Variants in GPM6A observed in about 807,000 individuals in gnomAD.
GPM6A encodes the protein glycoprotein M6A.
GPM6A carries 7 observed loss-of-function variants against 32.1 expected under a neutral mutation model. The ratio of observed to expected loss-of-function variants is 0.22; its 90% CI spans 0.12 to 0.41. The LOEUF is 0.41. Among genes scored for constraint, GPM6A ranks in the 10% least tolerant of loss-of-function variants. The probability of loss-of-function intolerance (pLI) is 1.00; values close to 1 mark genes in which losing one functional copy is unlikely to be tolerated. For missense variants in GPM6A, 235 were observed against 347.2 expected (o/e 0.68, Z 2.57); for synonymous variants, 130 against 123.4 (o/e 1.05, Z -0.35).
intron 1 of GPM6A, among the ~76,000 whole-genome samples, chr4:175,972,351 T>C (rs1242312038): frequency 6.6e-6 from 1 of 152,202 alleles, no homozygotes; most frequent in Non-Finnish European, 1.5e-5. Context: ...TCACGGATGA[T>C]TGTTAAATTC....
At chr4:175,852,207 T>G (rs1347673954) in intron 1 of GPM6A, among the ~76,000 whole-genome samples, 5 of 152,028 alleles carry the variant, frequency 3.3e-5, no homozygotes, top group Admixed American at 6.5e-5. Context: ...TCCATCAGTT[T>G]GGAATGAATA....
At chr4:175,943,234 A>G (rs572352279) in intron 1 of GPM6A, among the ~76,000 whole-genome samples, 203 of 152,320 alleles carry the variant, frequency 1.3e-3, no homozygotes, top group Non-Finnish European at 2.4e-3. Context: ...TTGATTTTGT[A>G]TCCTGAGACT....
At chr4:175,963,267 C>T (rs1165231274) in intron 1 of GPM6A, among the ~76,000 whole-genome samples, 2 of 151,554 alleles carry the variant, frequency 1.3e-5, no homozygotes, top group Non-Finnish European at 2.9e-5. Context: ...TGAGAATTTC[C>T]CAAAACTAAT....
In GPM6A at chr4:175,881,343, A is replaced by G. The variant is rs190825720; in HGVS notation, c.-22-69094T>C. Among the ~76,000 whole-genome samples, 281 of 152,290 alleles carry G rather than the reference A, an allele frequency of 1.8e-3. 2 individuals carry two copies. Among genetic ancestry groups the G allele is most frequent in the African/African-American group, 6.2e-3 (258 of 41,572 alleles). ...GGCGATCATTAAAAAGTCAGGAAAC[A>G]ACAGGTGCTAGAGAGGATGTGGAGA... On this transcript the variant is annotated intron_variant, in intron 1 of 7. Coordinates refer to the GPM6A transcript ENST00000280187.
chr4:175,782,471 T>G (rs554505382), intron 1 of GPM6A, among the ~76,000 whole-genome samples: 37 of 152,276 alleles, frequency 2.4e-4, no homozygotes, highest in African/African-American at 7.7e-4. Context: ...CTATGTCATG[T>G]CTTCCTCCCC....
chr4:175,863,998 C>G (rs543575436), intron 1 of GPM6A, among the ~76,000 whole-genome samples: 4 of 151,166 alleles, frequency 2.6e-5, no homozygotes, highest in African/African-American at 7.3e-5. Flanking sequence ...GAGACCCTGT[C>G]TCCGAAAAAA....
intron 1 of GPM6A, among the ~76,000 whole-genome samples, chr4:175,915,658 C>CA (rs1349041445): frequency 6.6e-6 from 1 of 151,896 alleles, no homozygotes; most frequent in Non-Finnish European, 1.5e-5. Context: ...AAATGATCAA[C>CA]AAAAATATAA....
intron 1 of GPM6A, among the ~76,000 whole-genome samples, chr4:175,721,013 G>A (rs1032480700): frequency 6.9e-5 from 9 of 129,796 alleles, no homozygotes; most frequent in Non-Finnish European, 9.9e-5. Flanking sequence ...AGCTTTTCTA[G>A]TATATATATA....
chr4:175,777,188 T>G (rs192149333), intron 1 of GPM6A, among the ~76,000 whole-genome samples: 102 of 152,280 alleles, frequency 6.7e-4, no homozygotes, highest in African/African-American at 2.4e-3. Flanking sequence ...TTTGGTGTTT[T>G]GAATCCCAGT....
chr4:175,753,875 G>A (rs2132334), intron 1 of GPM6A, among the ~76,000 whole-genome samples: 8,841 of 152,118 alleles, frequency 0.058, 861 homozygotes, highest in African/African-American at 0.2. Flanking sequence ...TCAAGCATCA[G>A]CCTTTAGGTG....
chr4:175,996,759 G>A (rs894276709), intron 1 of GPM6A, among the ~76,000 whole-genome samples: 8 of 152,100 alleles, frequency 5.3e-5, no homozygotes, highest in African/African-American at 1.9e-4. Context: ...CTCAGGACTT[G>A]TGCTGAGTTT....
chr4:175,794,189 C>T (rs746162716), intron 1 of GPM6A, among the ~76,000 whole-genome samples: 3 of 152,090 alleles, frequency 2.0e-5, no homozygotes, highest in Non-Finnish European at 2.9e-5. Flanking sequence ...CATCTTCATC[C>T]ATAAAATAAG....
rs181724384 is a variant in GPM6A, at chr4:175,773,662, T to C, written c.37+38529A>G. Among the ~76,000 whole-genome samples, 11 of 152,276 alleles carry C rather than the reference T, an allele frequency of 7.2e-5. No homozygotes were observed. In the East Asian group the frequency reaches 1.9e-3, roughly 27 times the overall value. The stretch of plus-strand genomic sequence containing the variant: ...CTTTAGTAAATAACAGAAGCACAAT[T>C]ATATGTTAACAATTTGAATGGGGAG... On this transcript the variant is annotated intron_variant, in intron 1 of 6. Coordinates refer to ENST00000393658, the MANE Select transcript of GPM6A (RefSeq NM_201591.3).
intron 1 of GPM6A, among the ~76,000 whole-genome samples, chr4:175,741,269 C>T (rs1731877340): frequency 1.3e-5 from 2 of 152,000 alleles, no homozygotes; most frequent in African/African-American, 4.8e-5. Context: ...TTACTAGGCT[C>T]TGTTTATTTG....
intron 1 of GPM6A, among the ~76,000 whole-genome samples, chr4:175,999,382 T>C (rs1045101514): frequency 3.3e-5 from 5 of 152,216 alleles, no homozygotes; most frequent in Non-Finnish European, 7.3e-5. Context: ...TCAACTATTT[T>C]GTTGCATCCT....
intron 1 of GPM6A, among the ~76,000 whole-genome samples, chr4:175,759,231 G>A (rs1269474932): frequency 1.3e-5 from 2 of 151,912 alleles, no homozygotes; most frequent in East Asian, 3.9e-4. Flanking sequence ...GTGGTTATCT[G>A]CCTCATGATG....
chr4:175,660,930 AT>A (rs1274065771), intron 3 of GPM6A, among the ~76,000 whole-genome samples: 1 of 152,186 alleles, frequency 6.6e-6, no homozygotes, highest in Non-Finnish European at 1.5e-5. Flanking sequence ...ATGAACAATT[AT>A]TATGGACTTT....
intron 3 of GPM6A, among the ~76,000 whole-genome samples, chr4:175,659,054 A>C (rs1579351460): frequency 6.6e-6 from 1 of 152,056 alleles, no homozygotes; most frequent in Non-Finnish European, 1.5e-5. Context: ...AAATCCTGTC[A>C]TATGAGATAA....
At chr4:175,781,049 G>A (rs571904837) in intron 1 of GPM6A, among the ~76,000 whole-genome samples, 4 of 151,878 alleles carry the variant, frequency 2.6e-5, no homozygotes, top group Non-Finnish European at 5.9e-5. Flanking sequence ...GAAATACATA[G>A]TTCATCACCA....
Sources: gnomAD v4.1 joint callset for allele counts (sites outside exome capture counted in the v4.1 genomes callset) on GRCh38, gnomAD v4.1.1 for gene constraint, MANE v1.5 for transcripts, NCBI Gene and HGNC (gene_info 2026-07-23, HGNC 2026-07-21) for gene names.